The following MECOM variants were observed in gnomAD, a reference collection of about 807,000 sequenced individuals.
MECOM encodes the protein MDS1 and EVI1 complex locus.
Under a neutral mutation model 116.3 loss-of-function variants are expected in MECOM, and 13 were observed. The observed-to-expected ratio is 0.11, with a 90% CI of 0.07 to 0.18. The LOEUF is 0.18. Among genes scored for constraint, MECOM ranks in the 10% least tolerant of loss-of-function variants. The probability of loss-of-function intolerance (pLI) is 1.00; values close to 1 mark genes in which losing one functional copy is unlikely to be tolerated. For missense variants in MECOM, 1,299 were observed against 1,509.0 expected (o/e 0.86, Z 2.31); for synonymous variants, 528 against 535.2 (o/e 0.99, Z 0.19).
intron 1 of MECOM, among the ~76,000 whole-genome samples, chr3:169,410,263 T>C (rs1423447968): frequency 1.3e-5 from 2 of 152,238 alleles, no homozygotes; most frequent in African/African-American, 2.4e-5. Flanking sequence ...TGCTTCCTAA[T>C]ACTTTTGGAG....
intron 2 of MECOM, among the ~76,000 whole-genome samples, chr3:169,360,320 AAAAAAAAAAAAG>A (rs1266827117): frequency 4.0e-3 from 119 of 29,474 alleles, no homozygotes; most frequent in Non-Finnish European, 6.7e-3. Context: ...AAGTTACACC[AAAAAAAAAAAAG>A]AAAAAAAAAA....
intron 1 of MECOM, among the ~76,000 whole-genome samples, chr3:169,411,853 T>G (rs1045291933): frequency 1.3e-5 from 2 of 152,032 alleles, no homozygotes; most frequent in African/African-American, 4.8e-5. Context: ...TAGCCAGGCA[T>G]GGTAGTGCAT....
At chr3:169,285,907 A>G (rs954285944) in intron 2 of MECOM, among the ~76,000 whole-genome samples, 1 of 152,180 alleles carries the variant, frequency 6.6e-6, no homozygotes, top group African/African-American at 2.4e-5. Flanking sequence ...ATCCTTTAAA[A>G]CAGCTGTTTT....
At chr3:169,097,204 A>T (rs1002349433) in intron 12 of MECOM, among the ~76,000 whole-genome samples, 1 of 152,142 alleles carries the variant, frequency 6.6e-6, no homozygotes, top group African/African-American at 2.4e-5. Context: ...TGTTTCTGCC[A>T]TGCTTCTAAC....
intron 2 of MECOM, among the ~76,000 whole-genome samples, chr3:169,361,664 A>T (rs1361855531): frequency 6.6e-6 from 1 of 151,886 alleles, no homozygotes; most frequent in African/African-American, 2.4e-5. Context: ...GTGGTTAAGT[A>T]CTTGCTTAAG....
intron 2 of MECOM, among the ~76,000 whole-genome samples, chr3:169,157,089 C>T (rs1405516939): frequency 6.6e-6 from 1 of 152,174 alleles, no homozygotes; most frequent in Admixed American, 6.5e-5. Context: ...GGAGCGACCA[C>T]ACAGTCTTCT....
At chr3:169,413,104 GTGA>G (rs1737824866) in intron 1 of MECOM, among the ~76,000 whole-genome samples, 1 of 152,258 alleles carries the variant, frequency 6.6e-6, no homozygotes, top group Non-Finnish European at 1.5e-5. Context: ...GCAGCTCCCA[GTGA>G]GACCAATGCA....
intron 2 of MECOM, among the ~76,000 whole-genome samples, chr3:169,302,401 G>A (rs1716902735): frequency 6.6e-6 from 1 of 152,170 alleles, no homozygotes; most frequent in African/African-American, 2.4e-5. Flanking sequence ...CAGTCTGTGT[G>A]CCTCAGGGTT....
chr3:169,332,364 C>A (rs1722892641), intron 2 of MECOM, among the ~76,000 whole-genome samples: 1 of 152,074 alleles, frequency 6.6e-6, no homozygotes, highest in Non-Finnish European at 1.5e-5. Context: ...GTTTAAGGGA[C>A]TTCACTTTTT....
chr3:169,383,895 G>A (rs1490264914), intron 1 of MECOM, among the ~76,000 whole-genome samples: 1 of 152,096 alleles, frequency 6.6e-6, no homozygotes, highest in African/African-American at 2.4e-5. Flanking sequence ...CTTCCTGCCT[G>A]GCACTCCTCT....
intron 2 of MECOM, among the ~76,000 whole-genome samples, chr3:169,183,095 C>T (rs1746188068): frequency 6.6e-6 from 1 of 152,162 alleles, no homozygotes; most frequent in Non-Finnish European, 1.5e-5. Context: ...ATGCTAATCT[C>T]ATTATCTCTC....
At chr3:169,562,897 AC>A (rs1406652704) in intron 1 of MECOM, among the ~76,000 whole-genome samples, 2 of 152,004 alleles carry the variant, frequency 1.3e-5, no homozygotes, top group African/African-American at 4.8e-5. Flanking sequence ...CCCCATCTCT[AC>A]TAAAAATACA....
At chr3:169,343,357 T>G (rs1216933135) in intron 2 of MECOM, among the ~76,000 whole-genome samples, 2 of 152,142 alleles carry the variant, frequency 1.3e-5, no homozygotes, top group Non-Finnish European at 2.9e-5. Flanking sequence ...AAATCCTTAC[T>G]GACAGATCAG....
At chr3:169,263,565 T>A (rs1478972086) in intron 2 of MECOM, among the ~76,000 whole-genome samples, 2 of 151,782 alleles carry the variant, frequency 1.3e-5, no homozygotes, top group Non-Finnish European at 2.9e-5. Flanking sequence ...TTTTAAACAT[T>A]ATTTTACTTA....
At chr3:169,343,303 T>G (rs1359470078) in intron 2 of MECOM, among the ~76,000 whole-genome samples, 1 of 152,102 alleles carries the variant, frequency 6.6e-6, no homozygotes, top group Non-Finnish European at 1.5e-5. Flanking sequence ...CAACAATTAG[T>G]TTGTTGAAGA....
chr3:169,483,829 G>T (rs1205122444), intron 1 of MECOM: 22 of 1,611,752 alleles, frequency 1.4e-5, no homozygotes, highest in Middle Eastern at 2.3e-4. Flanking sequence ...TTGGAGAAAG[G>T]CACCTCGGAT....
At chr3:169,120,628 A>G (rs1015889844) in intron 7 of MECOM, among the ~76,000 whole-genome samples, 21 of 152,314 alleles carry the variant, frequency 1.4e-4, no homozygotes, top group African/African-American at 5.1e-4. Context: ...CCGTAAGCCT[A>G]CTTCCCAGGT....
rs368016499 is a variant in MECOM, at chr3:169,576,838, C to CACAGAGAGAG, written c.37+86497_37+86498insCTCTCTCTGT. Among the ~76,000 whole-genome samples the CACAGAGAGAG allele has an allele frequency of 2.2e-3, 269 of 125,076 alleles. 1 individual carries two copies. Among genetic ancestry groups the CACAGAGAGAG allele is most frequent in the Middle Eastern group, 4.2e-3 (1 of 238 alleles). 82.1% of individuals were successfully genotyped at this position (125,076 alleles called of 152,430 possible). On this transcript the variant is annotated intron_variant, in intron 1 of 16. Coordinates refer to ENST00000651503, the MANE Select transcript of MECOM (RefSeq NM_004991.4). ...ACACACACACACACACACACACACA[C>CACAGAGAGAG]AGAGAGAGAGAGAGAGAGTTAAGAG...
chr3:169,592,963 T>C (rs562375853), intron 1 of MECOM, among the ~76,000 whole-genome samples: 1 of 152,366 alleles, frequency 6.6e-6, no homozygotes, highest in African/African-American at 2.4e-5. Context: ...ATCTAAGACA[T>C]ATATGTATGT....
Sources: gnomAD v4.1 joint callset for allele counts (sites outside exome capture counted in the v4.1 genomes callset) on GRCh38, gnomAD v4.1.1 for gene constraint, MANE v1.5 for transcripts, NCBI Gene and HGNC (gene_info 2026-07-23, HGNC 2026-07-21) for gene names.